COMMD1: variants seen among roughly 807,000 people sequenced by gnomAD.
COMMD1 encodes the protein COMM domain-containing protein 1.
Under a neutral mutation model 17.2 loss-of-function variants are expected in COMMD1, and 10 were observed. The ratio of observed to expected loss-of-function variants is 0.58; its 90% CI spans 0.36 to 0.99. The LOEUF is 0.99. Among genes scored for constraint, COMMD1 ranks in the 50% least tolerant of loss-of-function variants. The pLI is 0.01. For synonymous variants in COMMD1, 97 were observed against 91.6 expected (o/e 1.06, Z -0.34); for missense variants, 270 against 231.8 (o/e 1.17, Z -1.07).
At chr2:62,083,221 C>T (rs1036610706) in intron 2 of COMMD1, among the ~76,000 whole-genome samples, 3 of 152,042 alleles carry the variant, frequency 2.0e-5, no homozygotes, top group African/African-American at 7.2e-5. Flanking sequence ...CATGATTGTG[C>T]CACTGTGCTG....
At chr2:62,050,832 C>CT (rs970569530) in intron 2 of COMMD1, among the ~76,000 whole-genome samples, 4 of 151,782 alleles carry the variant, frequency 2.6e-5, no homozygotes, top group Non-Finnish European at 5.9e-5. Context: ...AGAACATGAA[C>CT]TTTTTTTTTC....
chr2:62,045,488 G>A (rs187094319), intron 2 of COMMD1, among the ~76,000 whole-genome samples: 204 of 151,710 alleles, frequency 1.3e-3, no homozygotes, highest in Non-Finnish European at 2.1e-3. Flanking sequence ...TTACAAAGGC[G>A]GTTTTTGGTC....
intron 1 of COMMD1, among the ~76,000 whole-genome samples, chr2:61,970,131 G>A (rs943417745): frequency 2.5e-4 from 38 of 151,912 alleles, no homozygotes; most frequent in African/African-American, 8.2e-4. Context: ...GGTGGTGGGC[G>A]CGTGTAATCT....
chr2:61,960,879 G>A (rs1290503778), intron 1 of COMMD1, among the ~76,000 whole-genome samples: 1 of 152,172 alleles, frequency 6.6e-6, no homozygotes, highest in African/African-American at 2.4e-5. Context: ...CTTGGCCCTC[G>A]GGCGAGGTTA....
chr2:62,087,287 G>A (rs749594001), intron 2 of COMMD1, among the ~76,000 whole-genome samples: 3 of 152,076 alleles, frequency 2.0e-5, no homozygotes, highest in Non-Finnish European at 2.9e-5. Flanking sequence ...AGTCCGTGAG[G>A]GTCACATGGC....
intron 2 of COMMD1, among the ~76,000 whole-genome samples, chr2:62,125,477 T>A (rs1258551854): frequency 4.6e-5 from 7 of 152,178 alleles, no homozygotes; most frequent in African/African-American, 7.2e-5. Flanking sequence ...TTTTTCTGTT[T>A]TGTTAGCATG....
At chr2:62,025,633 T>G (rs1669734123) in intron 2 of COMMD1, among the ~76,000 whole-genome samples, 1 of 152,036 alleles carries the variant, frequency 6.6e-6, no homozygotes, top group South Asian at 2.1e-4. Context: ...ATTTGCTTTC[T>G]GACAGGTAAG....
chr2:61,917,654 A>G (rs1291009944), intron 1 of COMMD1, among the ~76,000 whole-genome samples: 1 of 151,902 alleles, frequency 6.6e-6, no homozygotes, highest in East Asian at 2.0e-4. Flanking sequence ...CAGCCTCCGG[A>G]GTAGCTGGGA....
At chr2:61,998,641 A>C (rs1286692609) in intron 1 of COMMD1, among the ~76,000 whole-genome samples, 1 of 152,152 alleles carries the variant, frequency 6.6e-6, no homozygotes, top group Non-Finnish European at 1.5e-5. Flanking sequence ...GGCGTTCACA[A>C]CTTGGCTAGC....
At chr2:61,970,265 A>G (rs1429615645) in intron 1 of COMMD1, among the ~76,000 whole-genome samples, 2 of 150,752 alleles carry the variant, frequency 1.3e-5, no homozygotes. Context: ...TCCACCTCAA[A>G]AAAAAAAAAA....
At position 62,070,374 on chromosome 2, in the gene COMMD1, A is replaced by G. The variant is rs192255174; in HGVS notation, c.463-65457A>G. ...AGTTTGAGGCCAGCTTGCACAACAT[A>G]GCGAGACCCTGTCACCAAAAAAAAT... is the stretch of plus-strand genomic sequence containing the variant. On this transcript the variant is annotated intron_variant, in intron 2 of 2. Coordinates refer to ENST00000311832, the MANE Select transcript of COMMD1 (RefSeq NM_152516.4). 494 of 151,946 alleles carry G rather than the reference A, an allele frequency of 3.3e-3. 4 individuals carry two copies. The highest frequency in any genetic ancestry group is 5.2e-3 in the South Asian group (25 of 4,802). The allele number at this position is 151,946 out of a possible 1,614,324, so 9.4% of individuals were successfully genotyped here. A position where few individuals can be genotyped will look rare whatever the true frequency, so the allele number is the denominator to read the frequency against.
chr2:62,031,184 A>G (rs1669899707), intron 2 of COMMD1, among the ~76,000 whole-genome samples: 1 of 152,168 alleles, frequency 6.6e-6, no homozygotes, highest in Non-Finnish European at 1.5e-5. Context: ...CCCTTAACCA[A>G]CTATTCCTTA....
rs1214267611 is a variant in COMMD1, at chr2:61,991,013, C to T, written c.181-9688C>T. 2.6e-5 allele frequency among the ~76,000 whole-genome samples: 4 copies of T among 151,350 alleles called. No homozygotes were observed. The East Asian group carries it at 5.8e-4, about 22-fold the overall frequency. On this transcript the variant is annotated intron_variant, in intron 1 of 2. Transcript: ENST00000311832. ...GACTGAGGTGGAAGGATTGCTTGAG[C>T]CCAGGAGGACAAGGCTGTAGTGAGC...
chr2:62,020,805 G>GCCTGA (rs890280419), intron 2 of COMMD1, among the ~76,000 whole-genome samples: 7 of 152,206 alleles, frequency 4.6e-5, no homozygotes, highest in Non-Finnish European at 1.0e-4. Context: ...TTCGAGACCA[G>GCCTGA]CCTGACCAAC....
intron 2 of COMMD1, among the ~76,000 whole-genome samples, chr2:62,059,241 T>C (rs1402472096): frequency 6.6e-6 from 1 of 151,708 alleles, no homozygotes; most frequent in African/African-American, 2.4e-5. Flanking sequence ...CTGCAGCCTC[T>C]ACCTCCTGGG....
At chr2:62,056,770 T>C (rs13391675) in intron 2 of COMMD1, among the ~76,000 whole-genome samples, 20,054 of 152,180 alleles carry the variant, frequency 0.13, 3,302 homozygotes, top group African/African-American at 0.39. Flanking sequence ...GGAATGGATC[T>C]ACCACCCATT....
At chr2:62,033,048 GCGTGAGCCATGTTGC>G (rs750899889) in intron 2 of COMMD1, among the ~76,000 whole-genome samples, 1 of 152,192 alleles carries the variant, frequency 6.6e-6, no homozygotes, top group Non-Finnish European at 1.5e-5. Flanking sequence ...GGGATTACAG[GCGTGAGCCATGTTGC>G]CTGGCCAGTT....
At chr2:61,982,050 G>A (rs1028248577) in intron 1 of COMMD1, among the ~76,000 whole-genome samples, 1 of 152,166 alleles carries the variant, frequency 6.6e-6, no homozygotes, top group African/African-American at 2.4e-5. Flanking sequence ...GATAGGGATT[G>A]CATTGAATCT....
intron 1 of COMMD1, among the ~76,000 whole-genome samples, chr2:61,978,497 G>A (rs1266674521): frequency 2.6e-5 from 4 of 152,036 alleles, no homozygotes; most frequent in Non-Finnish European, 5.9e-5. Context: ...ACTAAAAAAT[G>A]GTATCATTAT....
Sources: gnomAD v4.1 joint callset for allele counts (sites outside exome capture counted in the v4.1 genomes callset) on GRCh38, gnomAD v4.1.1 for gene constraint, MANE v1.5 for transcripts, NCBI Gene and HGNC (gene_info 2026-07-23, HGNC 2026-07-21) for gene names.